PASK: variants seen among roughly 807,000 people sequenced by gnomAD.
PASK encodes the protein PAS domain containing serine/threonine kinase.
Under a neutral mutation model 121.0 loss-of-function variants are expected in PASK, and 110 were observed. The observed-to-expected ratio is 0.91, with a 90% CI of 0.78 to 1.06. The LOEUF (loss-of-function observed/expected upper bound fraction) is 1.06. Ranked by LOEUF, PASK falls within the 50% of genes least tolerant of loss-of-function variation. The pLI is 0.00. For missense variants in PASK, 1,643 were observed against 1,702.3 expected (o/e 0.97, Z 0.61); for synonymous variants, 686 against 717.8 (o/e 0.96, Z 0.71).
intron 3 of PASK, among the ~76,000 whole-genome samples, chr2:241,140,315 C>T (rs1044957918): frequency 2.6e-5 from 4 of 152,098 alleles, no homozygotes; most frequent in Non-Finnish European, 5.9e-5. Flanking sequence ...CAGGTGTGTG[C>T]CACCGCACCT....
chr2:241,132,391 C>T (rs1559385529), intron 9 of PASK, among the ~76,000 whole-genome samples: 1 of 151,730 alleles, frequency 6.6e-6, no homozygotes, highest in African/African-American at 2.4e-5. Flanking sequence ...TGGCGGGCGC[C>T]TGTAGTCCCC....
Position 241,106,288 on chromosome 2 carries a change from T to G in PASK, c.*278A>C, listed in dbSNP as rs2064878333. The G allele has an allele frequency of 2.0e-6, 1 of 487,910 alleles. No homozygotes were observed. Among genetic ancestry groups the G allele is most frequent in the African/African-American group, 1.9e-5 (1 of 51,588 alleles). 30.2% of individuals were successfully genotyped at this position (487,910 alleles called of 1,614,324 possible). ...GTAGAAAGAGAAAACACTCATGCCT[T>G]CAGAAGTTCACAAATTAAAAGCCCT... On this transcript the variant is annotated 3_prime_UTR_variant, in exon 18 of 18. Coordinates refer to ENST00000234040, the MANE Select transcript of PASK (RefSeq NM_015148.4).
At chr2:241,137,341 C>A in intron 6 of PASK, 77 bp from the exon 7 acceptor site, 1 of 1,162,942 alleles carries the variant, frequency 8.6e-7, no homozygotes, top group Non-Finnish European at 1.3e-6. Context: ...GCGTCCGACC[C>A]GACTTCTACC....
rs9677402 is a variant in PASK, at chr2:241,127,169, G to A, written c.1746C>T (p.Ser582=). ...QLERMGVSGP[S]GSDLWAGAAV... is the part of the protein sequence containing the mutation. ...CAGCCCCAGCCCAAAGGTCTGAACC[G>A]CTGGGACCACTGACTCCCATCCGCT... Residue 582 remains serine, a synonymous_variant, in exon 10 of 18, where the codon AGC becomes AGT. Coordinates refer to ENST00000234040, the MANE Select transcript of PASK (RefSeq NM_015148.4). The A allele has an allele frequency of 6.5e-3, 10,528 of 1,614,104 alleles. 45 individuals are homozygous for A. The highest frequency in any genetic ancestry group is 0.014 in the South Asian group (1,260 of 91,086).
rs562266843 is a variant in PASK, at chr2:241,116,475, C to T, written c.3073-1062G>A. Among the ~76,000 whole-genome samples, 35 of 152,312 alleles carry T rather than the reference C, an allele frequency of 2.3e-4. 2 individuals are homozygous for T. In the South Asian group the frequency reaches 2.7e-3, roughly 12 times the overall value. Reference sequence around the variant, plus strand: ...GGGCATGTGCCCCGGAGAACATCCACGTCACCCCGACTTCTCAACCAAGGA... The same window carrying T: ...GGGCATGTGCCCCGGAGAACATCCATGTCACCCCGACTTCTCAACCAAGGA... On this transcript the variant is annotated intron_variant, in intron 12 of 17. Transcript: ENST00000234040.
chr2:241,117,435 G>C (rs1307698019), intron 12 of PASK, among the ~76,000 whole-genome samples: 1 of 152,246 alleles, frequency 6.6e-6, no homozygotes, highest in African/African-American at 2.4e-5. Context: ...GAGGCCTGCG[G>C]CCTGTCCAGC....
chr2:241,107,360 G>T lies in PASK; in HGVS notation c.3807C>A (p.Asn1269Lys). Residue 1269 changes from asparagine (N) to lysine (K), a missense_variant, in exon 17 of 18, where the codon AAC (asparagine) becomes AAA (lysine). By Grantham distance (94) the Asn-to-Lys change is moderately conservative. This residue lies in a region of PASK where 453 missense variants were observed against 511.2 expected (regional missense o/e 0.89). Transcript: ENST00000234040. Reference sequence around the variant, plus strand: ...GATGCTGAGAAGCCTCACCTGGCTTGTTTACTCGAAACACCTCTTCCCATG... The same window carrying T: ...GATGCTGAGAAGCCTCACCTGGCTTTTTTACTCGAAACACCTCTTCCCATG... ...DYTWEEVFRVNKPESGVLSAA... is the reference protein window; with the variant it reads ...DYTWEEVFRVKKPESGVLSAA... 1 of 1,613,910 alleles carries T rather than the reference G, an allele frequency of 6.2e-7. No homozygotes were observed. Among genetic ancestry groups the T allele is most frequent in the Non-Finnish European group, 8.5e-7 (1 of 1,179,792 alleles).
rs1284433011 is a variant in PASK, at chr2:241,137,953, C to T, written c.876G>A (p.Lys292=). ...CAGTGCGGGAGGTCAGGAGCCCTAC[C>T]TTTGGGATGTGCTGGCCAGAAGGAG... ...QLPPSGQHIP[K]NLKIQRSVGR... is the part of the protein sequence containing the mutation. Residue 292 remains lysine, a splice_region_variant and synonymous_variant, in exon 6 of 18, where the codon AAG becomes AAA. Coordinates refer to ENST00000234040, the MANE Select transcript of PASK (RefSeq NM_015148.4). 1.9e-6 allele frequency: 3 copies of T among 1,614,080 alleles called. No homozygotes were observed. The highest frequency in any genetic ancestry group is 2.5e-6 in the Non-Finnish European group (3 of 1,180,024).
In PASK at chr2:241,126,220, A is replaced by G. The variant is rs77674262; in HGVS notation, c.2695T>C (p.Tyr899His). Residue 899 changes from tyrosine to histidine, a missense_variant, in exon 10 of 18, where the codon TAC becomes CAC. By Grantham distance (83) the Tyr-to-His change is moderately conservative (BLOSUM62 2). Around this residue, in one of 3 missense-constraint regions of PASK, gnomAD observed 1,176 missense variants for 1,162.2 expected, o/e 1.01. Coordinates refer to ENST00000234040, the MANE Select transcript of PASK (RefSeq NM_015148.4). ...IQEGAYSGSCYHRDGLRLSIQ... is the reference protein window; with the variant it reads ...IQEGAYSGSCHHRDGLRLSIQ... ...CTCAGCCGTAAGCCATCTCGATGGT[A>G]GCAGCTCCCGGAGTAGGCACCCTCC... 3.0e-3 allele frequency: 4,860 copies of G among 1,613,956 alleles called. 126 individuals are homozygous for G. The African/African-American group carries it at 0.059, about 19-fold the overall frequency.
chr2:241,114,716 T>C, intron 14 of PASK: 1 of 1,340,936 alleles, frequency 7.5e-7, no homozygotes, highest in Non-Finnish European at 9.5e-7. Flanking sequence ...TTTGAGACGC[T>C]CTCTGGCTGC....
chr2:241,106,623 C>A lies in PASK; in HGVS notation c.3915G>T (p.Glu1305Asp). ...QELCGGPVPG[E>D]APNGQGCLHP... Reference sequence around the variant, plus strand: ...GCAAACAGCCTTGGCCATTAGGAGCCTCGCCTGGAACGGGGCCCCCACAAA... The same window carrying A: ...GCAAACAGCCTTGGCCATTAGGAGCATCGCCTGGAACGGGGCCCCCACAAA... Residue 1305 changes from glutamate to aspartate, a missense_variant, in exon 18 of 18, where the codon GAG (glutamate) becomes GAT (aspartate). Around this residue, in one of 3 missense-constraint regions of PASK, gnomAD observed 453 missense variants for 511.2 expected, o/e 0.89. Coordinates refer to ENST00000234040, the MANE Select transcript of PASK (RefSeq NM_015148.4). The A allele has an allele frequency of 6.2e-7, 1 of 1,614,236 alleles. No homozygotes were observed. The highest frequency in any genetic ancestry group is 1.6e-4 in the Middle Eastern group (1 of 6,062).
rs755961762 is a variant in PASK at position 241,139,875 on chromosome 2, A to G, written c.600+10T>C. 6.2e-7 allele frequency: 1 copy of G among 1,613,680 alleles called. No individual in the cohort carries two copies. The highest frequency in any genetic ancestry group is 1.7e-5 in the Admixed American group (1 of 60,024). ...AGGCCAGACTGAACGCTGCACCCGCATCCACTCACCACCGTGCCAAACACC... is the reference window on the plus strand; with the variant it reads ...AGGCCAGACTGAACGCTGCACCCGCGTCCACTCACCACCGTGCCAAACACC... On this transcript the variant is annotated intron_variant, in intron 4 of 17. Transcript: ENST00000234040.
intron 12 of PASK, among the ~76,000 whole-genome samples, chr2:241,118,445 C>G (rs2065464495): frequency 2.0e-5 from 3 of 152,160 alleles, no homozygotes; most frequent in Non-Finnish European, 4.4e-5. Flanking sequence ...GGGGAGAGGA[C>G]AGTCTTCAAC....
intron 14 of PASK, chr2:241,114,410 G>T: frequency 2.0e-6 from 2 of 986,446 alleles, no homozygotes; most frequent in Non-Finnish European, 2.4e-6. Flanking sequence ...CAGTTCTTCT[G>T]GGGGAGCTGG....
At chr2:241,134,513 ACT>A (rs2066314776) in intron 8 of PASK, 3 of 152,330 alleles carry the variant, frequency 2.0e-5, no homozygotes, top group African/African-American at 7.2e-5. Flanking sequence ...GTGCCAAAGA[ACT>A]CACACAATGC....
chr2:241,139,491 C>T (rs762639648), intron 4 of PASK: 4 of 480,748 alleles, frequency 8.3e-6, no homozygotes, highest in Admixed American at 4.7e-5. Flanking sequence ...CCAACACCCC[C>T]GCCCGCTCCC....
intron 9 of PASK, 27 bp from the exon 10 acceptor site, chr2:241,127,478 C>A: frequency 6.4e-7 from 1 of 1,569,126 alleles, no homozygotes; most frequent in South Asian, 1.1e-5. Flanking sequence ...GGGTGACCAT[C>A]ATGTAGGGCC....
chr2:241,129,643 T>C (rs916478920), intron 9 of PASK, among the ~76,000 whole-genome samples: 4 of 152,250 alleles, frequency 2.6e-5, no homozygotes, highest in Non-Finnish European at 5.9e-5. Flanking sequence ...ATTGTGAAAC[T>C]GTGGATCTCT....
intron 5 of PASK, 40 bp from the exon 6 acceptor site, chr2:241,138,127 T>C (rs748085685): frequency 9.9e-6 from 16 of 1,608,744 alleles, no homozygotes; most frequent in Admixed American, 1.7e-5. Flanking sequence ...AAGCTTCTTG[T>C]GCTCCAGCTG....
Sources: allele counts gnomAD v4.1 joint callset (sites outside exome capture counted in the v4.1 genomes callset), GRCh38; gene constraint gnomAD v4.1.1; regional missense constraint gnomAD v4.1.1; transcripts MANE v1.5; gene names NCBI Gene and HGNC (gene_info 2026-07-23, HGNC 2026-07-21).